PTPRD: variants seen among roughly 807,000 people sequenced by gnomAD.
The protein encoded by PTPRD is protein tyrosine phosphatase receptor type D.
Under a neutral mutation model 214.5 loss-of-function variants are expected in PTPRD, and 34 were observed. The observed-to-expected ratio is 0.16, with a 90% CI of 0.12 to 0.21. The LOEUF (loss-of-function observed/expected upper bound fraction) is 0.21, where lower values mean the gene tolerates loss of function less well. PTPRD is among the 10% of genes least tolerant of loss of function. PTPRD has a pLI of 1.00. For missense variants in PTPRD, 2,545 were observed against 2,398.7 expected (o/e 1.06, Z -1.27); for synonymous variants, 1,128 against 845.7 (o/e 1.33, Z -5.79).
intron 4 of PTPRD, among the ~76,000 whole-genome samples, chr9:9,980,977 A>C (rs10759118): frequency 0.063 from 9,657 of 152,098 alleles, 433 homozygotes; most frequent in East Asian, 0.13. Context: ...CATTCTGCAG[A>C]AAAGTCTCAC....
chr9:10,370,160 G>C (rs2097582959), intron 2 of PTPRD, among the ~76,000 whole-genome samples: 1 of 151,974 alleles, frequency 6.6e-6, no homozygotes, highest in Non-Finnish European at 1.5e-5. Context: ...CTTATCAGTA[G>C]GACGTTGTTA....
At chr9:10,016,409 G>T (rs1368062857) in intron 4 of PTPRD, among the ~76,000 whole-genome samples, 1 of 112,482 alleles carries the variant, frequency 8.9e-6, no homozygotes, top group Non-Finnish European at 2.0e-5. Context: ...AGATAGATAG[G>T]GAAATTCTTT....
At chr9:8,999,665 C>T (rs886363346) in intron 11 of PTPRD, among the ~76,000 whole-genome samples, 1 of 151,976 alleles carries the variant, frequency 6.6e-6, no homozygotes, top group Admixed American at 6.6e-5. Context: ...ATTATTTCCT[C>T]TACAGATGTG....
chr9:10,585,538 G>C (rs989385265), intron 2 of PTPRD, among the ~76,000 whole-genome samples: 6 of 151,988 alleles, frequency 3.9e-5, no homozygotes, highest in Non-Finnish European at 7.4e-5. Context: ...AAATTTGGTG[G>C]GGAAATCTCA....
chr9:9,756,368 G>A (rs768891662), intron 6 of PTPRD, among the ~76,000 whole-genome samples: 17 of 151,944 alleles, frequency 1.1e-4, no homozygotes, highest in Admixed American at 6.6e-4. Flanking sequence ...TCAAAAGAGA[G>A]CTACACAAGT....
intron 14 of PTPRD, among the ~76,000 whole-genome samples, chr9:8,558,071 G>A (rs1445968546): frequency 6.6e-6 from 1 of 151,962 alleles, no homozygotes; most frequent in African/African-American, 2.4e-5. Flanking sequence ...TTCTTTTCCC[G>A]ATATAGAAAT....
chr9:8,931,101 C>T (rs2098949351), intron 11 of PTPRD, among the ~76,000 whole-genome samples: 1 of 151,982 alleles, frequency 6.6e-6, no homozygotes, highest in South Asian at 2.1e-4. Flanking sequence ...TTAGGTCTGA[C>T]ATTTAAGTCT....
At chr9:10,450,702 T>C (rs2098835865) in intron 2 of PTPRD, among the ~76,000 whole-genome samples, 1 of 152,024 alleles carries the variant, frequency 6.6e-6, no homozygotes, top group Non-Finnish European at 1.5e-5. Flanking sequence ...CTGATCAGTT[T>C]GTAGTCATTA....
intron 4 of PTPRD, among the ~76,000 whole-genome samples, chr9:9,957,984 C>T (rs2094070175): frequency 6.6e-6 from 1 of 152,070 alleles, no homozygotes; most frequent in African/African-American, 2.4e-5. Context: ...GAAAAGGTAT[C>T]TTTCAGCAAA....
intron 3 of PTPRD, among the ~76,000 whole-genome samples, chr9:10,272,284 C>T (rs1053234250): frequency 6.6e-6 from 1 of 152,168 alleles, no homozygotes; most frequent in Non-Finnish European, 1.5e-5. Flanking sequence ...TGTATCAGCA[C>T]TTCGCTTTTT....
intron 2 of PTPRD, among the ~76,000 whole-genome samples, chr9:10,474,258 C>A (rs2099048910): frequency 6.7e-6 from 1 of 149,400 alleles, no homozygotes; most frequent in East Asian, 2.0e-4. Flanking sequence ...CAAAGACATA[C>A]ATAGGCTCAA....
intron 3 of PTPRD, among the ~76,000 whole-genome samples, chr9:10,137,800 A>G (rs1360365212): frequency 6.6e-6 from 1 of 151,814 alleles, no homozygotes; most frequent in Non-Finnish European, 1.5e-5. Context: ...CTTTTTGGTA[A>G]ACAACAAAAT....
intron 11 of PTPRD, among the ~76,000 whole-genome samples, chr9:8,987,357 A>G (rs1353929932): frequency 4.6e-5 from 7 of 152,046 alleles, no homozygotes; most frequent in African/African-American, 7.2e-5. Flanking sequence ...TAACACAAAT[A>G]TTTCCAGCAG....
rs1447669040 is a variant in PTPRD at position 9,800,628 on chromosome 9, A to G, written c.-367-33777T>C. 2.0e-5 allele frequency: 3 copies of G among 152,328 alleles called. No individual in the cohort carries two copies. In the East Asian group the frequency reaches 5.8e-4, roughly 29 times the overall value. The allele number at this position is 152,328 out of a possible 1,614,324, so 9.4% of individuals were successfully genotyped here. On this transcript the variant is annotated intron_variant, in intron 5 of 45. Transcript: ENST00000381196. ...TTGTCTATAGACCATGAGGTCTTGG[A>G]AGACAGAAACCACTTGTTTGATACT...
At chr9:8,582,407 G>A (rs1050327015) in intron 14 of PTPRD, among the ~76,000 whole-genome samples, 2 of 152,156 alleles carry the variant, frequency 1.3e-5, no homozygotes, top group African/African-American at 4.8e-5. Flanking sequence ...CTGTATATTT[G>A]ACTACACTAA....
At chr9:9,859,125 C>G (rs540280169) in intron 5 of PTPRD, among the ~76,000 whole-genome samples, 8 of 152,270 alleles carry the variant, frequency 5.3e-5, no homozygotes, top group South Asian at 2.1e-4. Context: ...CATGCTCACA[C>G]GCACACTCTC....
At chr9:9,044,106 C>A (rs565697274) in intron 10 of PTPRD, among the ~76,000 whole-genome samples, 1 of 152,084 alleles carries the variant, frequency 6.6e-6, no homozygotes, top group Non-Finnish European at 1.5e-5. Flanking sequence ...TCCACAAAGA[C>A]AATTAAGTTG....
At chr9:8,948,407 AT>A (rs2099079001) in intron 11 of PTPRD, among the ~76,000 whole-genome samples, 1 of 49,852 alleles carries the variant, frequency 2.0e-5, no homozygotes, top group African/African-American at 7.2e-5. Flanking sequence ...TGGGTTTAAA[AT>A]ATATATATAT....
chr9:8,669,100 A>C (rs1006723149), intron 12 of PTPRD, among the ~76,000 whole-genome samples: 11 of 151,930 alleles, frequency 7.2e-5, no homozygotes, highest in African/African-American at 1.9e-4. Flanking sequence ...CCTTGCCCCA[A>C]AGTGATGAGG....
Sources: allele counts gnomAD v4.1 joint callset (sites outside exome capture counted in the v4.1 genomes callset), GRCh38; gene constraint gnomAD v4.1.1; transcripts MANE v1.5; gene names NCBI Gene and HGNC (gene_info 2026-07-23, HGNC 2026-07-21).